Variants in RIMBP2 observed in about 807,000 individuals in gnomAD.
RIMBP2 encodes RIMS-binding protein 2.
RIMBP2 carries 48 observed loss-of-function variants against 118.6 expected under a neutral mutation model. The ratio of observed to expected loss-of-function variants is 0.40; its 90% CI spans 0.32 to 0.51. The LOEUF (loss-of-function observed/expected upper bound fraction) is 0.51, where lower values mean the gene tolerates loss of function less well. Ranked by LOEUF, RIMBP2 falls within the 20% of genes least tolerant of loss-of-function variation. The pLI is 0.41. For missense variants in RIMBP2, 1,551 were observed against 1,768.3 expected (o/e 0.88, Z 2.20); for synonymous variants, 762 against 742.9 (o/e 1.03, Z -0.42).
chr12:130,678,666 C>T (rs569621392), intron 1 of RIMBP2, among the ~76,000 whole-genome samples: 7 of 152,284 alleles, frequency 4.6e-5, no homozygotes, highest in South Asian at 2.1e-4. Context: ...TACAGGCACG[C>T]GCCACCATGC....
chr12:130,532,802 C>T (rs927934334), intron 2 of RIMBP2, among the ~76,000 whole-genome samples: 1 of 149,718 alleles, frequency 6.7e-6, no homozygotes, highest in South Asian at 2.2e-4. Context: ...TAATGAGATG[C>T]GTGTGTGTAG....
At chr12:130,598,802 T>C (rs1432397659) in intron 2 of RIMBP2, among the ~76,000 whole-genome samples, 1 of 151,766 alleles carries the variant, frequency 6.6e-6, no homozygotes, top group Non-Finnish European at 1.5e-5. Context: ...AGTAAGGTAA[T>C]GCATCGGATA....
chr12:130,405,835 C>CAGTT (rs1323127478), intron 21 of RIMBP2, among the ~76,000 whole-genome samples: 3 of 152,118 alleles, frequency 2.0e-5, no homozygotes, highest in African/African-American at 7.2e-5. Context: ...TTGACCTATA[C>CAGTT]AGTTAAGTAA....
chr12:130,540,511 C>T (rs781250480), intron 2 of RIMBP2, among the ~76,000 whole-genome samples: 4 of 152,164 alleles, frequency 2.6e-5, no homozygotes, highest in Non-Finnish European at 4.4e-5. Context: ...CTCAGGAAAC[C>T]GACCATCAGA....
chr12:130,437,366 C>T, intron 12 of RIMBP2, 75 bp from the exon 13 acceptor site: 4 of 1,276,256 alleles, frequency 3.1e-6, no homozygotes, highest in Non-Finnish European at 4.3e-6. Context: ...GCCGACCAGT[C>T]CTCTGCCCAG....
intron 2 of RIMBP2, among the ~76,000 whole-genome samples, chr12:130,607,522 C>T (rs368993823): frequency 1.3e-5 from 2 of 152,080 alleles, no homozygotes; most frequent in African/African-American, 2.4e-5. Context: ...TCCACATGCT[C>T]GGTGGGAACA....
rs776846901 is a variant in RIMBP2 at position 130,688,016 on chromosome 12, C to T, written c.-352+28206G>A. On this transcript the variant is annotated intron_variant, in intron 1 of 22. Coordinates refer to ENST00000690449, the MANE Select transcript of RIMBP2 (RefSeq NM_001393629.1). The surrounding 1 kb of genome is among the most constrained non-coding windows in gnomAD (Gnocchi z 4.7). ...AATGAGCCCAAAGACCTGACAATCT[C>T]GGCCAACAGCTCAGATCAACTATTG... Among the ~76,000 whole-genome samples, 2 of 152,210 alleles carry T rather than the reference C, an allele frequency of 1.3e-5. No homozygotes were observed. Among genetic ancestry groups the T allele is most frequent in the Non-Finnish European group, 2.9e-5 (2 of 68,040 alleles).
At chr12:130,685,393 T>C (rs1384946333) in intron 1 of RIMBP2, among the ~76,000 whole-genome samples, 1 of 152,152 alleles carries the variant, frequency 6.6e-6, no homozygotes, top group Non-Finnish European at 1.5e-5. Flanking sequence ...ATGTTAAAAA[T>C]GGAACCAGGA....
intron 17 of RIMBP2, among the ~76,000 whole-genome samples, chr12:130,416,761 T>G (rs7316365): frequency 0.1 from 15,447 of 152,080 alleles, 880 homozygotes; most frequent in South Asian, 0.21. Context: ...CAAAAGAAAC[T>G]ATCAACAGAG....
chr12:130,625,015 G>A (rs1175416076), intron 2 of RIMBP2, among the ~76,000 whole-genome samples: 3 of 152,164 alleles, frequency 2.0e-5, no homozygotes, highest in East Asian at 3.8e-4. Context: ...GAGCCACCAC[G>A]CCAGCCGACC....
intron 4 of RIMBP2, among the ~76,000 whole-genome samples, chr12:130,500,658 C>G (rs776724397): frequency 9.9e-5 from 15 of 152,136 alleles, no homozygotes; most frequent in Non-Finnish European, 2.1e-4. Flanking sequence ...TCAGTTCAGA[C>G]AGGCCCTGAA....
intron 2 of RIMBP2, among the ~76,000 whole-genome samples, chr12:130,583,185 C>T (rs1212175571): frequency 6.6e-6 from 1 of 152,170 alleles, no homozygotes; most frequent in Non-Finnish European, 1.5e-5. Context: ...CAAGGCCCAA[C>T]ACTCTATGTT....
At chr12:130,521,547 A>G (rs900891741) in intron 2 of RIMBP2, among the ~76,000 whole-genome samples, 1 of 152,214 alleles carries the variant, frequency 6.6e-6, no homozygotes, top group East Asian at 1.9e-4. Flanking sequence ...CCCACACCAC[A>G]ATGTAACTGA....
In RIMBP2 at chr12:130,437,048, G is replaced by A. The variant is rs1276758461; in HGVS notation, c.1900C>T (p.Pro634Ser). ...CAGGCCTCATCCATCCTGGCGTGGG[G>A]ACCCAGGTGCTCGTCTTTGGTTTCG... ...VPETKDEHLG[P>S]HARMDEAWEQ... The change falls in exon 13 of 23, where the codon CCC becomes TCC. Residue 634 changes from proline (P) to serine (S), a missense_variant. Transcript: ENST00000690449. 4.4e-6 allele frequency: 7 copies of A among 1,577,102 alleles called. No individual in the cohort carries two copies. The Middle Eastern group carries it at 5.1e-4, about 115-fold the overall frequency.
intron 1 of RIMBP2, among the ~76,000 whole-genome samples, chr12:130,633,081 T>C (rs1429342444): frequency 2.0e-5 from 3 of 152,086 alleles, no homozygotes; most frequent in Non-Finnish European, 1.5e-5. Context: ...CCTCGCTACA[T>C]AGAATAAAAA....
chr12:130,641,458 C>T (rs995278009), intron 1 of RIMBP2, among the ~76,000 whole-genome samples: 2 of 150,256 alleles, frequency 1.3e-5, no homozygotes, highest in Non-Finnish European at 3.0e-5. Flanking sequence ...ACACTCGGCC[C>T]GGCATCACGG....
chr12:130,508,159 GT>G (rs1566166705), intron 3 of RIMBP2, among the ~76,000 whole-genome samples: 2 of 152,218 alleles, frequency 1.3e-5, no homozygotes, highest in African/African-American at 4.8e-5. Context: ...TGGGGTGCAG[GT>G]TTGCAGAAAG....
At chr12:130,479,121 G>C in intron 4 of RIMBP2, 105 bp from the exon 5 acceptor site, 2 of 824,964 alleles carry the variant, frequency 2.4e-6, no homozygotes, top group Non-Finnish European at 3.6e-6. Flanking sequence ...GGTCACTCCA[G>C]AGCAGCCCCT....
At chr12:130,476,934 C>T (rs573285189) in intron 5 of RIMBP2, among the ~76,000 whole-genome samples, 6 of 152,326 alleles carry the variant, frequency 3.9e-5, no homozygotes, top group South Asian at 4.1e-4. Flanking sequence ...TGCAGTGCAA[C>T]GACCACCCAC....
Sources: allele counts gnomAD v4.1 joint callset (sites outside exome capture counted in the v4.1 genomes callset), GRCh38; gene constraint gnomAD v4.1.1; non-coding constraint Gnocchi (gnomAD v3.1); transcripts MANE v1.5; gene names NCBI Gene and HGNC (gene_info 2026-07-23, HGNC 2026-07-21).